The following PBX3 variants were observed in gnomAD, a reference collection of about 807,000 sequenced individuals.
PBX3 encodes the protein PBX homeobox 3.
In PBX3, 14 loss-of-function variants were observed where a neutral mutation model predicts 48.5. The observed-to-expected ratio is 0.29, with a 90% CI of 0.19 to 0.45. PBX3 has a LOEUF of 0.45. PBX3 is among the 20% of genes least tolerant of loss of function. The probability of loss-of-function intolerance (pLI) is 1.00; values close to 1 mark genes in which losing one functional copy is unlikely to be tolerated. For missense variants in PBX3, 386 were observed against 546.7 expected, an observed-to-expected ratio of 0.71 and a Z score of 2.93; for synonymous variants, 210 against 200.3, an observed-to-expected ratio of 1.05 and a Z score of -0.41.
chr9:125,827,473 A>G (rs1838840990), intron 2 of PBX3, among the ~76,000 whole-genome samples: 1 of 152,108 alleles, frequency 6.6e-6, no homozygotes, highest in African/African-American at 2.4e-5. Flanking sequence ...CATGTGAAAA[A>G]TGCTTTTACT....
intron 7 of PBX3, 40 bp downstream of exon 7, chr9:125,962,254 G>T (rs777214377): frequency 1.7e-6 from 2 of 1,201,578 alleles, no homozygotes; most frequent in East Asian, 4.7e-5. Context: ...TAGCAGGGTA[G>T]GGTTTGGGCT....
At chr9:125,789,026 C>T (rs1409567661) in intron 2 of PBX3, among the ~76,000 whole-genome samples, 1 of 151,990 alleles carries the variant, frequency 6.6e-6, no homozygotes, top group Non-Finnish European at 1.5e-5. Flanking sequence ...TTGTTTCATA[C>T]TGTTGTTATC....
chr9:125,817,457 G>A (rs1214923933), intron 2 of PBX3, among the ~76,000 whole-genome samples: 1 of 152,136 alleles, frequency 6.6e-6, no homozygotes, highest in Non-Finnish European at 1.5e-5. Context: ...ACTGGGGTTT[G>A]TGCGATAGAT....
chr9:125,911,246 C>T (rs1412168723), intron 2 of PBX3, among the ~76,000 whole-genome samples: 3 of 152,102 alleles, frequency 2.0e-5, no homozygotes, highest in Admixed American at 2.0e-4. Context: ...TTGACTGCAT[C>T]TTACTTAAGG....
intron 4 of PBX3, among the ~76,000 whole-genome samples, chr9:125,933,102 T>G (rs1841754478): frequency 6.6e-6 from 1 of 152,250 alleles, no homozygotes; most frequent in African/African-American, 2.4e-5. Flanking sequence ...TTCTCTCCTG[T>G]GCCTTCAAGT....
At chr9:125,800,999 C>T (rs890627321) in intron 2 of PBX3, among the ~76,000 whole-genome samples, 1 of 152,120 alleles carries the variant, frequency 6.6e-6, no homozygotes, top group Admixed American at 6.5e-5. Context: ...GTGATCCTCC[C>T]TCCTTGGCCC....
chr9:125,836,456 T>G (rs1332052574), intron 2 of PBX3, among the ~76,000 whole-genome samples: 2 of 151,356 alleles, frequency 1.3e-5, no homozygotes, highest in African/African-American at 4.9e-5. Flanking sequence ...AAAAAAAAAA[T>G]TGATCTTGTG....
chr9:125,925,843 T>G (rs1203018626), intron 3 of PBX3, among the ~76,000 whole-genome samples: 4 of 152,234 alleles, frequency 2.6e-5, no homozygotes, highest in Non-Finnish European at 5.9e-5. Flanking sequence ...CAAATTTATT[T>G]GGGAAAAAGT....
In PBX3 at chr9:125,845,989, C is replaced by T. The variant is rs558630603; in HGVS notation, c.275-69697C>T. ...TTGACTCTAAAGTGAAAATGATTCA[C>T]TGAATTAGTTTTTAAAAAATATATT... On this transcript the variant is annotated intron_variant, in intron 2 of 8. Transcript: ENST00000373489. Among the ~76,000 whole-genome samples the T allele has an allele frequency of 8.2e-4, 124 of 152,074 alleles. 1 individual carries two copies. Among genetic ancestry groups the T allele is most frequent in the Admixed American group, 3.5e-3 (54 of 15,254 alleles).
intron 2 of PBX3, among the ~76,000 whole-genome samples, chr9:125,864,472 T>G (rs1839933678): frequency 6.6e-6 from 1 of 152,192 alleles, no homozygotes; most frequent in Non-Finnish European, 1.5e-5. Flanking sequence ...ATTATTACAT[T>G]GTAATATATA....
intron 2 of PBX3, among the ~76,000 whole-genome samples, chr9:125,822,337 C>T (rs1564674194): frequency 6.6e-6 from 1 of 152,040 alleles, no homozygotes; most frequent in Non-Finnish European, 1.5e-5. Flanking sequence ...GCCCATTTGG[C>T]ATTGGGGATA....
chr9:125,855,555 C>T (rs974466990), intron 2 of PBX3, among the ~76,000 whole-genome samples: 1 of 151,898 alleles, frequency 6.6e-6, no homozygotes, highest in Non-Finnish European at 1.5e-5. Flanking sequence ...TGATAAATAT[C>T]CCTTCATCAA....
At chr9:125,914,903 A>G (rs983683918) in intron 2 of PBX3, among the ~76,000 whole-genome samples, 7 of 152,236 alleles carry the variant, frequency 4.6e-5, no homozygotes, top group African/African-American at 1.7e-4. Context: ...ATTGTCAGCT[A>G]TGATCTATAG....
At chr9:125,800,081 A>G (rs1837894516) in intron 2 of PBX3, among the ~76,000 whole-genome samples, 1 of 152,232 alleles carries the variant, frequency 6.6e-6, no homozygotes, top group Non-Finnish European at 1.5e-5. Context: ...ATGTTAAAGC[A>G]GTTATAATAA....
At chr9:125,888,865 G>T (rs1840566391) in intron 2 of PBX3, among the ~76,000 whole-genome samples, 1 of 152,136 alleles carries the variant, frequency 6.6e-6, no homozygotes, top group Non-Finnish European at 1.5e-5. Flanking sequence ...TCAGATTTGG[G>T]AAGTCACCTT....
At chr9:125,800,314 A>T (rs541313695) in intron 2 of PBX3, among the ~76,000 whole-genome samples, 15 of 152,342 alleles carry the variant, frequency 9.8e-5, no homozygotes, top group African/African-American at 3.1e-4. Flanking sequence ...CAAATTGCTC[A>T]TGGAATGAAA....
At chr9:125,851,622 A>G (rs1839580673) in intron 2 of PBX3, among the ~76,000 whole-genome samples, 1 of 152,188 alleles carries the variant, frequency 6.6e-6, no homozygotes, top group Non-Finnish European at 1.5e-5. Flanking sequence ...CACATATCAA[A>G]TAAGATTAAG....
At chr9:125,949,352 C>A in intron 5 of PBX3, 1 of 1,550,388 alleles carries the variant, frequency 6.4e-7, no homozygotes, top group Non-Finnish European at 8.7e-7. Context: ...ATCCATTCAA[C>A]CTACATTTTC....
intron 2 of PBX3, among the ~76,000 whole-genome samples, chr9:125,769,504 C>T (rs1369262095): frequency 6.6e-6 from 1 of 152,110 alleles, no homozygotes; most frequent in African/African-American, 2.4e-5. Flanking sequence ...ATTACCTTAC[C>T]TGGAAAGAAA....
Sources: gnomAD v4.1 joint callset for allele counts (sites outside exome capture counted in the v4.1 genomes callset) on GRCh38, gnomAD v4.1.1 for gene constraint, MANE v1.5 for transcripts, NCBI Gene and HGNC (gene_info 2026-07-23, HGNC 2026-07-21) for gene names.